Variants in FBXL13 observed in about 807,000 individuals in gnomAD.
The protein encoded by FBXL13 is F-box and leucine-rich repeat protein 13.
A neutral mutation model predicts 83.6 loss-of-function variants in FBXL13; 67 were observed. That is an observed-to-expected ratio of 0.80 (90% CI 0.66 to 0.98). The LOEUF (loss-of-function observed/expected upper bound fraction) is 0.98, where lower values mean the gene tolerates loss of function less well. Among genes scored for constraint, FBXL13 ranks in the 50% least tolerant of loss-of-function variants. The pLI is 0.00. For synonymous variants in FBXL13, 272 were observed against 299.5 expected, an observed-to-expected ratio of 0.91 and a Z score of 0.95; for missense variants, 822 against 866.5, an observed-to-expected ratio of 0.95 and a Z score of 0.64.
At chr7:102,975,509 G>A (rs1445344577) in intron 6 of FBXL13, among the ~76,000 whole-genome samples, 2 of 152,188 alleles carry the variant, frequency 1.3e-5, no homozygotes, top group African/African-American at 4.8e-5. Context: ...GCCTCTGGAC[G>A]CTGCTGTCGA....
chr7:102,820,263 C>T (rs1299175871), intron 19 of FBXL13, among the ~76,000 whole-genome samples: 1 of 152,224 alleles, frequency 6.6e-6, no homozygotes, highest in Non-Finnish European at 1.5e-5. Flanking sequence ...CAGCCCCTTT[C>T]TAAGCATTAG....
At position 103,055,768 on chromosome 7, in the gene FBXL13, G is replaced by A. The variant is rs955919759; in HGVS notation, c.-104-21C>T. ...AGTGCCTAGGGGAAAAAAGGGAAAT[G>A]GCATCAATGTTTCTGAATTTTCACG... On this transcript the variant is annotated intron_variant, in intron 1 of 19. Coordinates refer to ENST00000313221, the Ensembl canonical transcript of FBXL13. 7.4e-6 allele frequency: 8 copies of A among 1,075,680 alleles called. No individual in the cohort carries two copies. In the African/African-American group the frequency reaches 1.3e-4, roughly 18 times the overall value. The allele number at this position is 1,075,680 out of a possible 1,614,324, so 66.6% of individuals were successfully genotyped here.
intron 18 of FBXL13, among the ~76,000 whole-genome samples, chr7:102,828,957 A>G (rs1800189579): frequency 2.0e-5 from 3 of 152,196 alleles, no homozygotes; most frequent in Admixed American, 2.0e-4. Context: ...GTCATTCTCA[A>G]GAATAACTAT....
In FBXL13 at chr7:103,025,124, A is replaced by G. The variant is rs79161863; in HGVS notation, c.434T>C (p.Phe145Ser). The G allele has an allele frequency of 2.0e-3, 3,238 of 1,612,746 alleles. 65 individuals are homozygous for G. The African/African-American group carries it at 0.039, about 20-fold the overall frequency. The change falls in exon 6 of 20, where the codon TTT (phenylalanine) becomes TCT (serine). Residue 145 changes from phenylalanine to serine, a missense_variant. Coordinates refer to ENST00000313221, the Ensembl canonical transcript of FBXL13. ...ACATTTTAGAGTCTCATCTACAAGA[A>G]AGACTTCAGAAGAACTTCGTTCAGG...
At chr7:102,815,597 G>A (rs1431326560) in intron 19 of FBXL13, among the ~76,000 whole-genome samples, 1 of 152,130 alleles carries the variant, frequency 6.6e-6, no homozygotes, top group African/African-American at 2.4e-5. Context: ...GATGTTGACT[G>A]TAGTACAAGA....
chr7:102,898,389 G>A (rs1812536651), intron 11 of FBXL13, among the ~76,000 whole-genome samples: 1 of 152,104 alleles, frequency 6.6e-6, no homozygotes, highest in South Asian at 2.1e-4. Flanking sequence ...CACCCAGGCT[G>A]CAGTGCAGTG....
At chr7:102,998,952 T>C (rs1195334585) in intron 6 of FBXL13, among the ~76,000 whole-genome samples, 3 of 152,182 alleles carry the variant, frequency 2.0e-5, no homozygotes, top group Non-Finnish European at 4.4e-5. Flanking sequence ...CTTCCAGTAC[T>C]ATGTTGAATA....
intron 16 of FBXL13, among the ~76,000 whole-genome samples, 178 bp from the exon 18 acceptor site, chr7:102,855,038 A>G (rs376704462): frequency 3.3e-5 from 5 of 152,196 alleles, no homozygotes; most frequent in African/African-American, 9.6e-5. Context: ...AGATTAGGCA[A>G]TGCCATTAAG....
At chr7:102,920,644 G>T (rs966215000) in intron 10 of FBXL13, among the ~76,000 whole-genome samples, 1 of 151,974 alleles carries the variant, frequency 6.6e-6, no homozygotes, top group East Asian at 1.9e-4. Flanking sequence ...ACCACGCATG[G>T]CCCATACACT....
At chr7:103,029,596 G>GTATGTCTGTAAGC (rs1464883644) in intron 2 of FBXL13, among the ~76,000 whole-genome samples, 178 bp from the exon 4 acceptor site, 7 of 152,082 alleles carry the variant, frequency 4.6e-5, no homozygotes, top group African/African-American at 1.7e-4. Context: ...GGAATTTTGT[G>GTATGTCTGTAAGC]TATGTCTGTA....
chr7:103,034,716 G>A (rs1020629969), intron 2 of FBXL13, among the ~76,000 whole-genome samples: 5 of 152,374 alleles, frequency 3.3e-5, no homozygotes, highest in South Asian at 2.1e-4. Flanking sequence ...CAGAGGAGGC[G>A]CCGAGAGCGA....
At chr7:102,905,216 G>T (rs913925243) in intron 11 of FBXL13, among the ~76,000 whole-genome samples, 1 of 152,174 alleles carries the variant, frequency 6.6e-6, no homozygotes, top group Non-Finnish European at 1.5e-5. Context: ...GGGTGTTGAA[G>T]TTTCCAGCTA....
chr7:102,886,656 C>T (rs983269132), intron 11 of FBXL13, among the ~76,000 whole-genome samples: 1 of 152,076 alleles, frequency 6.6e-6, no homozygotes, highest in Non-Finnish European at 1.5e-5. Flanking sequence ...GTGCCTATAA[C>T]AACTGATGAG....
chr7:102,845,571 C>T (rs1389799004), intron 17 of FBXL13, among the ~76,000 whole-genome samples: 1 of 152,196 alleles, frequency 6.6e-6, no homozygotes, highest in Non-Finnish European at 1.5e-5. Flanking sequence ...GATGCATGGA[C>T]ATCGTCTTTA....
At chr7:102,884,303 G>T in exon 12 of FBXL13, 1 of 1,612,944 alleles carries the variant, frequency 6.2e-7, no homozygotes, top group South Asian at 1.1e-5. Context: ...CTGAAGCCTT[G>T]GACTGAAATC....
At chr7:103,071,909 G>A (rs115375767) in intron 1 of FBXL13, among the ~76,000 whole-genome samples, 1,672 of 152,260 alleles carry the variant, frequency 0.011, 33 homozygotes, top group African/African-American at 0.039. Context: ...GGGTCATGCT[G>A]TGGTGGGTCA....
At chr7:102,881,910 C>T (rs2129458772) in intron 14 of FBXL13, among the ~76,000 whole-genome samples, 1 of 152,286 alleles carries the variant, frequency 6.6e-6, no homozygotes, top group Admixed American at 6.5e-5. Flanking sequence ...ATATCTCCTC[C>T]AGCTCCCAAT....
At chr7:103,018,467 C>T (rs1159159931) in intron 6 of FBXL13, among the ~76,000 whole-genome samples, 1 of 152,170 alleles carries the variant, frequency 6.6e-6, no homozygotes, top group African/African-American at 2.4e-5. Context: ...CAAATTCACA[C>T]ATAACATATT....
chr7:102,963,273 A>G (rs111327210), intron 8 of FBXL13, among the ~76,000 whole-genome samples: 5,167 of 151,622 alleles, frequency 0.034, 280 homozygotes, highest in East Asian at 0.16. Flanking sequence ...GTGAGCCAAG[A>G]TCGCACCACT....
Sources: allele counts gnomAD v4.1 joint callset (sites outside exome capture counted in the v4.1 genomes callset), GRCh38; gene constraint gnomAD v4.1.1; transcripts MANE v1.5; gene names NCBI Gene and HGNC (gene_info 2026-07-23, HGNC 2026-07-21).